BTRC: variants seen among roughly 807,000 people sequenced by gnomAD.
BTRC encodes beta-transducin repeat containing E3 ubiquitin protein ligase.
In BTRC, 42 loss-of-function variants were observed where a neutral mutation model predicts 85.5. That is an observed-to-expected ratio of 0.49 (90% CI 0.38 to 0.64). The LOEUF is 0.64. Among genes scored for constraint, BTRC ranks in the 30% least tolerant of loss-of-function variants. The pLI is 0.00. For missense variants in BTRC, 594 were observed against 743.5 expected, an observed-to-expected ratio of 0.80 and a Z score of 2.34; for synonymous variants, 255 against 263.3, an observed-to-expected ratio of 0.97 and a Z score of 0.30.
chr10:101,391,629 A>G (rs1943238491), intron 1 of BTRC, among the ~76,000 whole-genome samples: 1 of 152,210 alleles, frequency 6.6e-6, no homozygotes, highest in Non-Finnish European at 1.5e-5. Flanking sequence ...TGTTCTTTTA[A>G]AAATAAATTT....
intron 13 of BTRC, among the ~76,000 whole-genome samples, chr10:101,540,015 A>C (rs3095797): frequency 0.63 from 96,185 of 152,100 alleles, 31,654 homozygotes; most frequent in East Asian, 0.85. Context: ...TTTATATATT[A>C]TAAGTTACAA....
intron 5 of BTRC, among the ~76,000 whole-genome samples, chr10:101,525,551 C>T (rs72841831): frequency 0.027 from 4,110 of 152,156 alleles, 89 homozygotes; most frequent in Non-Finnish European, 0.045. Flanking sequence ...TCCCCTAGTA[C>T]ATTTAAAGGA....
chr10:101,419,782 T>G lies in BTRC; in HGVS notation c.49-10563T>G, dbSNP rs1035146038. On this transcript the variant is annotated intron_variant, in intron 1 of 14. Coordinates refer to ENST00000370187, the MANE Select transcript of BTRC (RefSeq NM_033637.4). ...TATCCATTATTATCATTATTTAGTT[T>G]GATATTCTAATTTTCTCAAATGTAG... Among the ~76,000 whole-genome samples, 6 of 152,168 alleles carry G rather than the reference T, an allele frequency of 3.9e-5. No homozygotes were observed. In the East Asian group the frequency reaches 1.2e-3, roughly 29 times the overall value.
Position 101,557,093 on chromosome 10 carries a change from A to G in BTRC, c.*3970A>G, listed in dbSNP as rs774234466. On this transcript the variant is annotated 3_prime_UTR_variant, in exon 15 of 15. Coordinates refer to ENST00000370187, the MANE Select transcript of BTRC (RefSeq NM_033637.4). ...TGCACTCCAATGATGGGACAGGCCTAACAACACATGTAAGCTTCCCCGAGA... is the reference window on the plus strand; with the variant it reads ...TGCACTCCAATGATGGGACAGGCCTGACAACACATGTAAGCTTCCCCGAGA... The G allele has an allele frequency of 2.0e-5, 3 of 152,176 alleles. No homozygotes were observed. Among genetic ancestry groups the G allele is most frequent in the Admixed American group, 6.5e-5 (1 of 15,280 alleles). The allele number at this position is 152,176 out of a possible 1,614,324, so 9.4% of individuals were successfully genotyped here.
At chr10:101,359,955 A>G (rs1025837264) in intron 1 of BTRC, among the ~76,000 whole-genome samples, 2 of 152,212 alleles carry the variant, frequency 1.3e-5, no homozygotes, top group Non-Finnish European at 2.9e-5. Context: ...AAATTATCAA[A>G]AGTGAATTAT....
intron 1 of BTRC, among the ~76,000 whole-genome samples, chr10:101,367,073 T>TAAATATAA (rs1942483925): frequency 9.5e-6 from 1 of 104,768 alleles, no homozygotes; most frequent in African/African-American, 3.6e-5. Context: ...TAAATATATA[T>TAAATATAA]ATATATATTT....
At position 101,509,554 on chromosome 10, in the gene BTRC, T is replaced by G. The variant is rs1235226213; in HGVS notation, c.325-12085T>G. On this transcript the variant is annotated intron_variant, in intron 4 of 14. Transcript: ENST00000370187. ...CAGGCGTGAGCCACCGCGCCCAGCC[T>G]TTTTTTTTTTTTTTTTGAGACAAGG... is the stretch of plus-strand genomic sequence containing the variant. Among the ~76,000 whole-genome samples the G allele has an allele frequency of 2.0e-4, 26 of 131,382 alleles. No individual in the cohort carries two copies. The East Asian group carries it at 5.8e-3, about 29-fold the overall frequency. 86.2% of individuals were successfully genotyped at this position (131,382 alleles called of 152,430 possible).
chr10:101,523,668 T>C lies in BTRC; in HGVS notation c.556+1798T>C, dbSNP rs957339389. On this transcript the variant is annotated intron_variant, in intron 5 of 14. Coordinates refer to ENST00000370187, the MANE Select transcript of BTRC (RefSeq NM_033637.4). ...GTTATTAATATTTTGGCAGGTAGCC[T>C]GTTTTCTCTACGTATGTGTATTTGC... 2.6e-5 allele frequency among the ~76,000 whole-genome samples: 4 copies of C among 152,248 alleles called. No individual in the cohort carries two copies. In the East Asian group the frequency reaches 7.7e-4, roughly 29 times the overall value.
rs752077302 is a variant in BTRC at position 101,430,435 on chromosome 10, G to A, written c.139G>A (p.Ala47Thr). The A allele has an allele frequency of 3.7e-5, 59 of 1,613,696 alleles. No homozygotes were observed. In the South Asian group the frequency reaches 3.7e-4, roughly 10 times the overall value. ...ATGCCTGTATAACCCAGGGACTGGC[G>A]CACTCACAGCTTTCCAGGTACTTTC... ...LRCLYNPGTG[A>T]LTAFQNSSER... is the part of the protein sequence containing the mutation. The change falls in exon 2 of 15, where the codon GCA becomes ACA. Residue 47 changes from alanine (A) to threonine (T), a missense_variant. Physicochemically the swap from Ala to Thr is moderately conservative, Grantham distance 58. This residue lies in a region of BTRC where 163 missense variants were observed against 180.5 expected (regional missense o/e 0.90). Coordinates refer to ENST00000370187, the MANE Select transcript of BTRC (RefSeq NM_033637.4).
At chr10:101,373,335 T>G (rs559045598) in intron 1 of BTRC, among the ~76,000 whole-genome samples, 57 of 152,254 alleles carry the variant, frequency 3.7e-4, no homozygotes, top group Middle Eastern at 3.4e-3. Context: ...TTAAAGTATG[T>G]AATAGTCTAC....
intron 1 of BTRC, among the ~76,000 whole-genome samples, chr10:101,377,384 A>T (rs949242913): frequency 1.3e-5 from 2 of 152,196 alleles, no homozygotes; most frequent in African/African-American, 4.8e-5. Context: ...TTGTGTGAAC[A>T]TTTTCATTTC....
intron 8 of BTRC, among the ~76,000 whole-genome samples, 163 bp from the exon 9 acceptor site, chr10:101,532,789 T>TGTGTGCGC (rs57980548): frequency 1.7e-4 from 13 of 78,238 alleles, no homozygotes; most frequent in African/African-American, 7.3e-4. Context: ...TGTGTGTGTG[T>TGTGTGCGC]GCGCGTGTGC....
chr10:101,354,606 A>G, intron 1 of BTRC: 1 of 283,828 alleles, frequency 3.5e-6, no homozygotes, highest in South Asian at 5.3e-5. Context: ...TGTCAGGGTT[A>G]CCGGTAAGGC....
intron 1 of BTRC, among the ~76,000 whole-genome samples, chr10:101,428,407 T>G (rs1363460393): frequency 1.3e-5 from 2 of 152,252 alleles, no homozygotes; most frequent in Non-Finnish European, 2.9e-5. Flanking sequence ...AGCTGCTGTT[T>G]ATAAAATGGA....
chr10:101,479,489 A>G, intron 4 of BTRC, 32 bp downstream of exon 4: 1 of 1,522,648 alleles, frequency 6.6e-7, no homozygotes, highest in South Asian at 1.1e-5. Flanking sequence ...TGTATATTAC[A>G]CCACACCATA....
At chr10:101,416,623 T>C (rs1448374132) in intron 1 of BTRC, among the ~76,000 whole-genome samples, 3 of 152,162 alleles carry the variant, frequency 2.0e-5, no homozygotes, top group Admixed American at 6.6e-5. Context: ...CTCCAGTCTT[T>C]GGCTCCACAG....
intron 4 of BTRC, among the ~76,000 whole-genome samples, chr10:101,502,460 G>A (rs1490023394): frequency 6.6e-6 from 1 of 151,688 alleles, no homozygotes; most frequent in East Asian, 1.9e-4. Flanking sequence ...GCTTCCTTTT[G>A]CTCTTTTCTG....
At chr10:101,379,099 G>T (rs1279025053) in intron 1 of BTRC, among the ~76,000 whole-genome samples, 2 of 152,102 alleles carry the variant, frequency 1.3e-5, no homozygotes, top group African/African-American at 4.8e-5. Context: ...TAATTGAGAA[G>T]AATCCTGCTT....
At chr10:101,354,620 GGA>G (rs921158402) in intron 1 of BTRC, 2 of 265,476 alleles carry the variant, frequency 7.5e-6, no homozygotes, top group African/African-American at 4.6e-5. Flanking sequence ...GTAAGGCCCG[GGA>G]GAGGAGGTGC....
Sources: gnomAD v4.1 joint callset for allele counts (sites outside exome capture counted in the v4.1 genomes callset) on GRCh38, gnomAD v4.1.1 for gene constraint, gnomAD v4.1.1 regional missense constraint, MANE v1.5 for transcripts, NCBI Gene and HGNC (gene_info 2026-07-23, HGNC 2026-07-21) for gene names.